ACBD5: variants seen among roughly 807,000 people sequenced by gnomAD.
ACBD5 encodes the protein acyl-CoA binding domain containing 5.
A neutral mutation model predicts 71.8 loss-of-function variants in ACBD5; 40 were observed. The observed-to-expected ratio is 0.56, with a 90% CI of 0.43 to 0.72. The LOEUF (loss-of-function observed/expected upper bound fraction) is 0.72. ACBD5 is among the 30% of genes least tolerant of loss of function. The pLI is 0.00. For synonymous variants in ACBD5, 229 were observed against 218.6 expected, an observed-to-expected ratio of 1.05 and a Z score of -0.42; for missense variants, 559 against 644.5, an observed-to-expected ratio of 0.87 and a Z score of 1.44.
chr10:27,209,653 T>C (rs982683470), intron 9 of ACBD5, among the ~76,000 whole-genome samples: 4 of 152,188 alleles, frequency 2.6e-5, no homozygotes, highest in African/African-American at 9.6e-5. Context: ...GTTCTTCTTA[T>C]TCTAAATTGT....
At chr10:27,234,831 A>G (rs1243673805) in intron 3 of ACBD5, among the ~76,000 whole-genome samples, 1 of 152,144 alleles carries the variant, frequency 6.6e-6, no homozygotes, top group African/African-American at 2.4e-5. Flanking sequence ...ACTCAGGAAG[A>G]TGAGGCAGGA....
chr10:27,223,992 TAA>T (rs1259117477), intron 4 of ACBD5, among the ~76,000 whole-genome samples: 13 of 152,144 alleles, frequency 8.5e-5, no homozygotes, highest in African/African-American at 3.1e-4. Flanking sequence ...ATTAAAGATC[TAA>T]AAGTGTTCTC....
At chr10:27,233,677 C>T (rs2138254594) in intron 3 of ACBD5, among the ~76,000 whole-genome samples, 1 of 152,276 alleles carries the variant, frequency 6.6e-6, no homozygotes, top group South Asian at 2.1e-4. Context: ...ATGATGGTGC[C>T]ACTACACTCC....
intron 4 of ACBD5, among the ~76,000 whole-genome samples, chr10:27,225,909 T>C (rs1393545564): frequency 1.4e-4 from 21 of 152,062 alleles, no homozygotes; most frequent in Admixed American, 1.2e-3. Context: ...AAGATCTCTT[T>C]CTTAACTTTG....
At chr10:27,228,815 ATTTT>A (rs1167438554) in intron 4 of ACBD5, among the ~76,000 whole-genome samples, 20 of 20,364 alleles carry the variant, frequency 9.8e-4, no homozygotes, top group Admixed American at 2.2e-3. Flanking sequence ...ATATATATAT[ATTTT>A]TTTTTTTTTT....
chr10:27,216,884 C>G (rs186160666), intron 7 of ACBD5, among the ~76,000 whole-genome samples: 59 of 152,112 alleles, frequency 3.9e-4, no homozygotes, highest in African/African-American at 1.4e-3. Flanking sequence ...CTGTGGCTCA[C>G]GCCTGTAATC....
chr10:27,203,541 C>T (rs2060150923), intron 12 of ACBD5, among the ~76,000 whole-genome samples: 1 of 152,098 alleles, frequency 6.6e-6, no homozygotes, highest in African/African-American at 2.4e-5. Context: ...GAGTTTGAGA[C>T]CAGTCTGGCC....
At chr10:27,227,182 C>T (rs1436125659) in intron 4 of ACBD5, among the ~76,000 whole-genome samples, 1 of 151,808 alleles carries the variant, frequency 6.6e-6, no homozygotes, top group East Asian at 1.9e-4. Context: ...ATAACCCAAC[C>T]AAATGAAGAA....
Position 27,195,630 on chromosome 10 carries a change from T to C in ACBD5, c.*1800A>G, listed in dbSNP as rs1318127416. The stretch of plus-strand genomic sequence containing the variant: ...TTTACATATAAATTCAGTTGCTTGC[T>C]TCACTTTTTCCTAAATAAATAGGGA... On this transcript the variant is annotated 3_prime_UTR_variant, in exon 13 of 13. Coordinates refer to ENST00000396271, the MANE Select transcript of ACBD5 (RefSeq NM_145698.5). 9 of 423,512 alleles carry C rather than the reference T, an allele frequency of 2.1e-5. 1 individual carries two copies. The highest frequency in any genetic ancestry group is 4.1e-5 in the Non-Finnish European group (9 of 217,634). The allele number at this position is 423,512 out of a possible 1,614,324, so 26.2% of individuals were successfully genotyped here. A position where few individuals can be genotyped will look rare whatever the true frequency, so the allele number is the denominator to read the frequency against.
chr10:27,241,163 G>T (rs2065456845), upstream of ACBD5, among the ~76,000 whole-genome samples: 1 of 152,196 alleles, frequency 6.6e-6, no homozygotes, highest in Admixed American at 6.5e-5. Flanking sequence ...ATGACTCTGC[G>T]GTCCCCAGCG....
At chr10:27,239,138 G>C (rs1416443879) in intron 2 of ACBD5, among the ~76,000 whole-genome samples, 1 of 152,128 alleles carries the variant, frequency 6.6e-6, no homozygotes, top group Non-Finnish European at 1.5e-5. Context: ...TGGGGGTTGA[G>C]GTGAGCTGAG....
At chr10:27,185,555 C>T (rs1241163143) in intron 13 of ACBD5, among the ~76,000 whole-genome samples, 1 of 150,778 alleles carries the variant, frequency 6.6e-6, no homozygotes, top group African/African-American at 2.4e-5. Flanking sequence ...ATCGCTTGAA[C>T]CCGGGAGGCA....
intron 13 of ACBD5, among the ~76,000 whole-genome samples, chr10:27,190,046 A>C (rs1307305789): frequency 3.3e-5 from 5 of 152,130 alleles, no homozygotes; most frequent in Admixed American, 1.3e-4. Context: ...GCACTTTGGG[A>C]GGCTGAGACG....
intron 10 of ACBD5, among the ~76,000 whole-genome samples, chr10:27,207,582 C>T (rs1249762548): frequency 6.6e-6 from 1 of 152,126 alleles, no homozygotes; most frequent in African/African-American, 2.4e-5. Context: ...ACAGTCAATG[C>T]TAATTACCTC....
chr10:27,186,488 A>G, intron 13 of ACBD5: 1 of 1,614,146 alleles, frequency 6.2e-7, no homozygotes, highest in Non-Finnish European at 8.5e-7. Flanking sequence ...CCTATTTTGA[A>G]GCCAGGAATA....
intron 4 of ACBD5, among the ~76,000 whole-genome samples, chr10:27,227,009 AT>A (rs56406048): frequency 1.7e-3 from 132 of 78,402 alleles, no homozygotes; most frequent in African/African-American, 6.4e-3. Context: ...TTTTTTTGCG[AT>A]TTTTTTTTTT....
intron 12 of ACBD5, among the ~76,000 whole-genome samples, chr10:27,202,288 A>C (rs893552678): frequency 3.9e-5 from 6 of 152,234 alleles, no homozygotes; most frequent in Non-Finnish European, 7.3e-5. Flanking sequence ...ATATAAGCAA[A>C]CAATATGTAA....
rs187920993 is a variant in ACBD5, at chr10:27,211,389, C to T, written c.937-308G>A. ...AGGCTGGAGTTCACTGGCACGATCT[C>T]GGCTCACTGCAACCTCCACCTCCCG... On this transcript the variant is annotated intron_variant, in intron 8 of 12. Transcript: ENST00000396271. Among the ~76,000 whole-genome samples, 518 of 152,180 alleles carry T rather than the reference C, an allele frequency of 3.4e-3. 2 individuals are homozygous for T. Among genetic ancestry groups the T allele is most frequent in the African/African-American group, 0.011 (460 of 41,524 alleles).
At chr10:27,188,647 AC>A (rs1176299448) in intron 13 of ACBD5, among the ~76,000 whole-genome samples, 1 of 152,210 alleles carries the variant, frequency 6.6e-6, no homozygotes, top group African/African-American at 2.4e-5. Flanking sequence ...TTACTAACAG[AC>A]CTAGCATGTG....
Sources: allele counts gnomAD v4.1 joint callset (sites outside exome capture counted in the v4.1 genomes callset), GRCh38; gene constraint gnomAD v4.1.1; transcripts MANE v1.5; gene names NCBI Gene and HGNC (gene_info 2026-07-23, HGNC 2026-07-21).